The following DACH1 variants were observed in gnomAD, a reference collection of about 807,000 sequenced individuals.
DACH1 encodes the protein dachshund homolog 1.
DACH1 carries 12 observed loss-of-function variants against 54.2 expected under a neutral mutation model. The ratio of observed to expected loss-of-function variants is 0.22; its 90% confidence interval spans 0.14 to 0.36. DACH1 has a LOEUF of 0.36. DACH1 is among the 10% of genes least tolerant of loss of function. The pLI, the probability that DACH1 is intolerant of heterozygous loss-of-function variation, is 1.00. For missense variants in DACH1, 805 were observed against 929.8 expected, an observed-to-expected ratio of 0.87 and a Z score of 1.75; for synonymous variants, 386 against 366.2, an observed-to-expected ratio of 1.05 and a Z score of -0.62.
intron 3 of DACH1, among the ~76,000 whole-genome samples, chr13:71,583,592 C>T (rs1873003680): frequency 6.6e-6 from 1 of 152,100 alleles, no homozygotes; most frequent in Non-Finnish European, 1.5e-5. Flanking sequence ...TCTGTAATCC[C>T]AGCACTTTGG....
intron 1 of DACH1, among the ~76,000 whole-genome samples, chr13:71,730,851 G>T (rs1163192606): frequency 3.4e-5 from 5 of 149,072 alleles, no homozygotes; most frequent in Non-Finnish European, 5.9e-5. Context: ...TTTTTTTTTT[G>T]AAATGTGATG....
At chr13:71,842,241 A>G (rs1192059472) in intron 1 of DACH1, among the ~76,000 whole-genome samples, 1 of 152,188 alleles carries the variant, frequency 6.6e-6, no homozygotes, top group Non-Finnish European at 1.5e-5. Flanking sequence ...TAAGTGAACA[A>G]AAAATAATAC....
Position 71,558,054 on chromosome 13 carries a change from A to G in DACH1, c.1436-896T>C, listed in dbSNP as rs546876314. 1.2e-4 allele frequency among the ~76,000 whole-genome samples: 19 copies of G among 152,072 alleles called. No individual in the cohort carries two copies. In the South Asian group the frequency reaches 1.7e-3, roughly 13 times the overall value. ...AAACTGTAGTTCAAATTTTAGTACTATAATAATGTTATTTTCCTGATTTTG... is the reference window on the plus strand; with the variant it reads ...AAACTGTAGTTCAAATTTTAGTACTGTAATAATGTTATTTTCCTGATTTTG... On this transcript the variant is annotated intron_variant, in intron 5 of 10. Coordinates refer to ENST00000613252, the MANE Select transcript of DACH1 (RefSeq NM_080759.6).
chr13:71,813,055 G>A (rs2138156182), intron 1 of DACH1, among the ~76,000 whole-genome samples: 1 of 152,186 alleles, frequency 6.6e-6, no homozygotes, highest in Non-Finnish European at 1.5e-5. Context: ...TTTCTGATAT[G>A]TCTAGCATCT....
intron 1 of DACH1, among the ~76,000 whole-genome samples, chr13:71,722,793 C>T (rs1238964263): frequency 6.6e-6 from 1 of 152,036 alleles, no homozygotes; most frequent in South Asian, 2.1e-4. Flanking sequence ...TTTCTGGGTT[C>T]AATGTCTACA....
intron 6 of DACH1, among the ~76,000 whole-genome samples, chr13:71,549,990 T>C (rs1284168074): frequency 2.0e-5 from 3 of 152,198 alleles, no homozygotes; most frequent in Non-Finnish European, 2.9e-5. Context: ...TTAATGTAGT[T>C]AATTTAGCAA....
At chr13:71,859,168 T>C (rs902751543) in intron 1 of DACH1, among the ~76,000 whole-genome samples, 11 of 151,964 alleles carry the variant, frequency 7.2e-5, no homozygotes, top group African/African-American at 2.4e-4. Context: ...CTTGAAATCC[T>C]GGATCAATTC....
At chr13:71,644,961 A>G (rs1312835487) in intron 2 of DACH1, among the ~76,000 whole-genome samples, 1 of 152,172 alleles carries the variant, frequency 6.6e-6, no homozygotes, top group Non-Finnish European at 1.5e-5. Flanking sequence ...GAGACCATCT[A>G]ACCTGAATCA....
chr13:71,766,436 G>T (rs1885631718), intron 1 of DACH1, among the ~76,000 whole-genome samples: 1 of 152,104 alleles, frequency 6.6e-6, no homozygotes, highest in Admixed American at 6.6e-5. Context: ...CCAGGTTTGA[G>T]ACCTACTGCC....
chr13:71,655,360 T>C (rs1317511851), intron 2 of DACH1, among the ~76,000 whole-genome samples: 1 of 116,130 alleles, frequency 8.6e-6, no homozygotes, highest in African/African-American at 5.9e-5. Context: ...GTGATGTCTC[T>C]TTTTTTTTTT....
intron 1 of DACH1, among the ~76,000 whole-genome samples, chr13:71,726,438 C>T (rs1883470299): frequency 6.6e-6 from 1 of 152,058 alleles, no homozygotes; most frequent in Non-Finnish European, 1.5e-5. Context: ...GATATCTAAA[C>T]ATCCAAATCA....
intron 6 of DACH1, among the ~76,000 whole-genome samples, chr13:71,549,641 A>G (rs1373011948): frequency 6.6e-6 from 1 of 152,182 alleles, no homozygotes; most frequent in Non-Finnish European, 1.5e-5. Flanking sequence ...GTCAACACCA[A>G]TAAATGACTC....
At chr13:71,758,795 G>A (rs974332975) in intron 1 of DACH1, among the ~76,000 whole-genome samples, 2 of 152,104 alleles carry the variant, frequency 1.3e-5, no homozygotes, top group African/African-American at 4.8e-5. Flanking sequence ...TAATTTCTAC[G>A]GGTAATTCCA....
At chr13:71,610,299 T>C (rs924155005) in intron 3 of DACH1, among the ~76,000 whole-genome samples, 3 of 152,168 alleles carry the variant, frequency 2.0e-5, no homozygotes, top group Non-Finnish European at 2.9e-5. Flanking sequence ...TGTACAAAAA[T>C]GTTTATATTC....
intron 1 of DACH1, among the ~76,000 whole-genome samples, chr13:71,698,450 A>C (rs1881943552): frequency 6.6e-6 from 1 of 152,138 alleles, no homozygotes; most frequent in Admixed American, 6.5e-5. Context: ...AGTCCTCTGT[A>C]TTGAAATTTA....
chr13:71,714,220 T>C (rs925970774), intron 1 of DACH1, among the ~76,000 whole-genome samples: 2 of 152,044 alleles, frequency 1.3e-5, no homozygotes, highest in Non-Finnish European at 2.9e-5. Flanking sequence ...GGATAAGATT[T>C]TTGTTATGGC....
chr13:71,516,135 T>C (rs555398278), intron 6 of DACH1, among the ~76,000 whole-genome samples: 1 of 151,906 alleles, frequency 6.6e-6, no homozygotes, highest in South Asian at 2.1e-4. Context: ...AGAGCTCAGA[T>C]TTTGCTGGCG....
chr13:71,611,995 G>A (rs547354737), intron 3 of DACH1, among the ~76,000 whole-genome samples: 63 of 152,166 alleles, frequency 4.1e-4, no homozygotes, highest in Non-Finnish European at 7.8e-4. Context: ...AATCGTATGA[G>A]GATGAATAAA....
At chr13:71,778,070 C>T (rs375873327) in intron 1 of DACH1, among the ~76,000 whole-genome samples, 3 of 148,940 alleles carry the variant, frequency 2.0e-5, no homozygotes, top group Non-Finnish European at 3.0e-5. Flanking sequence ...CCAGCTTAGG[C>T]GACAGAGTGA....
Sources: allele counts gnomAD v4.1 joint callset (sites outside exome capture counted in the v4.1 genomes callset), GRCh38; gene constraint gnomAD v4.1.1; transcripts MANE v1.5; gene names NCBI Gene and HGNC (gene_info 2026-07-23, HGNC 2026-07-21).